NELL1: variants seen among roughly 807,000 people sequenced by gnomAD.
NELL1 encodes neural EGFL like 1.
In NELL1, 76 loss-of-function variants were observed where a neutral mutation model predicts 107.4. The observed-to-expected ratio is 0.71, with a 90% CI of 0.59 to 0.86. The LOEUF is 0.86. NELL1 is among the 40% of genes least tolerant of loss of function. NELL1 has a pLI of 0.00. For missense variants in NELL1, 1,024 were observed against 1,005.5 expected (o/e 1.02, Z -0.25); for synonymous variants, 353 against 341.2 (o/e 1.03, Z -0.38).
At chr11:20,979,582 G>T (rs1217345663) in intron 12 of NELL1, among the ~76,000 whole-genome samples, 2 of 152,228 alleles carry the variant, frequency 1.3e-5, no homozygotes, top group African/African-American at 2.4e-5. Context: ...TGTACTCAGA[G>T]AATGGCGTAT....
chr11:21,338,278 T>A (rs1360213313), intron 14 of NELL1, among the ~76,000 whole-genome samples: 1 of 152,172 alleles, frequency 6.6e-6, no homozygotes, highest in Non-Finnish European at 1.5e-5. Flanking sequence ...TGTGAGCACA[T>A]GTTAAACAGG....
At chr11:21,333,755 T>A (rs143402573) in intron 14 of NELL1, among the ~76,000 whole-genome samples, 38 of 152,168 alleles carry the variant, frequency 2.5e-4, no homozygotes, top group African/African-American at 8.9e-4. Flanking sequence ...CTTTTCCTTG[T>A]CCAGTAAGTG....
rs144623702 is a variant in NELL1 at position 21,351,327 on chromosome 11, A to C, written c.1550-19526A>C. On this transcript the variant is annotated intron_variant, in intron 14 of 19. Coordinates refer to ENST00000357134, the MANE Select transcript of NELL1 (RefSeq NM_006157.5). ...GTAATTTGGATATGGCGACTCTGGG[A>C]AGCTAATACAGGTCTTTAAGCTAGA... 1.9e-3 allele frequency among the ~76,000 whole-genome samples: 283 copies of C among 152,164 alleles called. 3 individuals are homozygous for C. Among genetic ancestry groups the C allele is most frequent in the African/African-American group, 4.1e-3 (171 of 41,540 alleles).
intron 12 of NELL1, among the ~76,000 whole-genome samples, chr11:21,017,817 C>G (rs1852604758): frequency 6.6e-6 from 1 of 152,048 alleles, no homozygotes; most frequent in African/African-American, 2.4e-5. Flanking sequence ...ACGAGGAGCT[C>G]CCCATCTTTC....
intron 12 of NELL1, among the ~76,000 whole-genome samples, chr11:21,069,160 T>C (rs1428741885): frequency 6.6e-6 from 1 of 152,152 alleles, no homozygotes. Context: ...ACAGGAAGAA[T>C]AGCTAATGGA....
chr11:21,173,464 T>C (rs563538098), intron 13 of NELL1, among the ~76,000 whole-genome samples: 72 of 152,016 alleles, frequency 4.7e-4, no homozygotes, highest in Admixed American at 1.2e-3. Context: ...ACTTTTTCTT[T>C]CCTATCAGAA....
At chr11:21,347,393 G>A (rs557402766) in intron 14 of NELL1, among the ~76,000 whole-genome samples, 7 of 152,108 alleles carry the variant, frequency 4.6e-5, no homozygotes, top group Middle Eastern at 3.4e-3. Flanking sequence ...ACCTGAGGTC[G>A]GGAGTTTGAG....
chr11:21,442,874 C>T (rs1484933520), intron 15 of NELL1, among the ~76,000 whole-genome samples: 1 of 151,134 alleles, frequency 6.6e-6, no homozygotes, highest in African/African-American at 2.4e-5. Context: ...CAATTTGAGA[C>T]CCTGAGATGG....
intron 12 of NELL1, among the ~76,000 whole-genome samples, chr11:21,046,136 A>G (rs1267312907): frequency 6.6e-6 from 1 of 152,214 alleles, no homozygotes; most frequent in Non-Finnish European, 1.5e-5. Context: ...AAGTCTCTGT[A>G]AGGTATAGAC....
At chr11:20,788,551 GTCTT>G (rs139065012) in intron 3 of NELL1, among the ~76,000 whole-genome samples, 4,351 of 151,832 alleles carry the variant, frequency 0.029, 207 homozygotes, top group African/African-American at 0.099. Flanking sequence ...TGGATTCTTT[GTCTT>G]TCTATCATTG....
intron 13 of NELL1, among the ~76,000 whole-genome samples, chr11:21,184,435 A>G (rs1856890987): frequency 6.6e-6 from 1 of 151,630 alleles, no homozygotes; most frequent in Non-Finnish European, 1.5e-5. Context: ...ATGACCGGCT[A>G]AATTCTGTAT....
At chr11:20,690,386 G>A (rs1191091218) in intron 2 of NELL1, among the ~76,000 whole-genome samples, 1 of 152,120 alleles carries the variant, frequency 6.6e-6, no homozygotes, top group Non-Finnish European at 1.5e-5. Flanking sequence ...GTGATGCCTG[G>A]GTTTTCTTCT....
At chr11:21,263,363 C>G (rs998285691) in intron 14 of NELL1, among the ~76,000 whole-genome samples, 1 of 151,898 alleles carries the variant, frequency 6.6e-6, no homozygotes, top group Non-Finnish European at 1.5e-5. Flanking sequence ...GGGGTAACGG[C>G]GAGCCATTCA....
chr11:21,557,481 C>T (rs528974180), intron 16 of NELL1, among the ~76,000 whole-genome samples: 3 of 152,068 alleles, frequency 2.0e-5, no homozygotes, highest in African/African-American at 7.2e-5. Context: ...TAGAGAAAGC[C>T]ATAAATTACC....
intron 15 of NELL1, among the ~76,000 whole-genome samples, chr11:21,466,655 A>G (rs935907527): frequency 6.6e-6 from 1 of 152,186 alleles, no homozygotes; most frequent in Non-Finnish European, 1.5e-5. Context: ...GGATAAAAGC[A>G]GAGTGCCTCT....
chr11:20,724,118 G>T (rs771655187), intron 2 of NELL1, among the ~76,000 whole-genome samples: 1 of 152,148 alleles, frequency 6.6e-6, no homozygotes, highest in Non-Finnish European at 1.5e-5. Context: ...GGCCTATGAA[G>T]CCATTTTTCC....
At chr11:21,380,125 C>G (rs1851576602) in intron 15 of NELL1, among the ~76,000 whole-genome samples, 4 of 152,052 alleles carry the variant, frequency 2.6e-5, no homozygotes, top group Admixed American at 2.6e-4. Context: ...TGAGCTTTCT[C>G]AGGTTGTCTG....
chr11:20,975,409 C>T (rs953467724), intron 12 of NELL1, among the ~76,000 whole-genome samples: 1 of 151,364 alleles, frequency 6.6e-6, no homozygotes, highest in East Asian at 1.9e-4. Flanking sequence ...ACTGAGAAGG[C>T]CATTGAAATC....
chr11:20,911,708 G>A (rs532709965), intron 5 of NELL1, among the ~76,000 whole-genome samples: 48 of 152,266 alleles, frequency 3.2e-4, no homozygotes, highest in African/African-American at 7.0e-4. Context: ...AGAGCAAGGC[G>A]GTTCTTCTTG....
Sources: gnomAD v4.1 joint callset for allele counts (sites outside exome capture counted in the v4.1 genomes callset) on GRCh38, gnomAD v4.1.1 for gene constraint, MANE v1.5 for transcripts, NCBI Gene and HGNC (gene_info 2026-07-23, HGNC 2026-07-21) for gene names.